The following RAPGEF6 variants were observed in gnomAD, a reference collection of about 807,000 sequenced individuals.
The protein encoded by RAPGEF6 is Rap guanine nucleotide exchange factor 6, also known as PDZ domain containing guanine nucleotide exchange factor (GEF) 2.
A neutral mutation model predicts 171.4 loss-of-function variants in RAPGEF6; 56 were observed. The observed-to-expected ratio is 0.33, with a 90% CI of 0.26 to 0.41. The LOEUF is 0.41. Among genes scored for constraint, RAPGEF6 ranks in the 10% least tolerant of loss-of-function variants. The probability of loss-of-function intolerance (pLI) is 1.00; values close to 1 mark genes in which losing one functional copy is unlikely to be tolerated. For synonymous variants in RAPGEF6, 692 were observed against 650.1 expected, an observed-to-expected ratio of 1.06 and a Z score of -0.98; for missense variants, 1,674 against 1,921.4, an observed-to-expected ratio of 0.87 and a Z score of 2.41.
At chr5:131,532,959 T>C (rs2149927499) in intron 6 of RAPGEF6, 1 of 152,760 alleles carries the variant, frequency 6.5e-6, no homozygotes, top group East Asian at 1.9e-4. Context: ...CTACTGTCCT[T>C]GCCTGTTTCA....
At chr5:131,475,485 T>C (rs980171318) in intron 16 of RAPGEF6, among the ~76,000 whole-genome samples, 2 of 152,074 alleles carry the variant, frequency 1.3e-5, no homozygotes, top group Admixed American at 6.5e-5. Context: ...CAAACAAAAA[T>C]ACGTTGACAA....
intron 3 of RAPGEF6, among the ~76,000 whole-genome samples, chr5:131,595,171 T>G (rs1234180324): frequency 6.6e-6 from 1 of 152,120 alleles, no homozygotes; most frequent in Non-Finnish European, 1.5e-5. Flanking sequence ...AGGGACCTGG[T>G]GGGAGGCGAC....
intron 5 of RAPGEF6, among the ~76,000 whole-genome samples, chr5:131,553,699 T>C (rs575169138): frequency 1.3e-5 from 2 of 152,096 alleles, no homozygotes; most frequent in Admixed American, 6.5e-5. Flanking sequence ...TCAACACAAC[T>C]GAGTTAAGAT....
rs140527782 is a variant in RAPGEF6, at chr5:131,585,184, C to T, written c.281+7199G>A. Among the ~76,000 whole-genome samples the T allele has an allele frequency of 9.2e-3, 1,402 of 151,588 alleles. 21 individuals are homozygous for T. The highest frequency in any genetic ancestry group is 0.033 in the African/African-American group (1,344 of 41,282). The stretch of plus-strand genomic sequence containing the variant: ...GACATCTAGGTATCCCTATGGAAAA[C>T]GACGCAACATTATACCATACCCAAA... On this transcript the variant is annotated intron_variant, in intron 4 of 27. Transcript: ENST00000509018.
At chr5:131,484,273 C>CTGGAGTG (rs1159760602) in intron 15 of RAPGEF6, among the ~76,000 whole-genome samples, 1 of 115,538 alleles carries the variant, frequency 8.7e-6, no homozygotes, top group African/African-American at 3.5e-5. Flanking sequence ...TGTTGCCAGG[C>CTGGAGTG]TGGAGTGCAG....
intron 3 of RAPGEF6, among the ~76,000 whole-genome samples, chr5:131,595,179 G>A (rs1190320666): frequency 2.0e-5 from 3 of 152,266 alleles, no homozygotes; most frequent in Non-Finnish European, 2.9e-5. Context: ...GGTGGGAGGC[G>A]ACTGGATCAT....
chr5:131,581,400 T>C (rs535231757), intron 4 of RAPGEF6, among the ~76,000 whole-genome samples: 1 of 152,036 alleles, frequency 6.6e-6, no homozygotes, highest in East Asian at 1.9e-4. Context: ...TCTTCCTCCT[T>C]CTCTTCTTAC....
intron 18 of RAPGEF6, among the ~76,000 whole-genome samples, chr5:131,463,302 A>G (rs1178151348): frequency 6.6e-6 from 1 of 152,200 alleles, no homozygotes; most frequent in East Asian, 1.9e-4. Flanking sequence ...AGAGTGGTTG[A>G]GTGTGGTAGC....
intron 4 of RAPGEF6, among the ~76,000 whole-genome samples, chr5:131,580,148 T>A (rs1366251892): frequency 1.3e-5 from 2 of 152,068 alleles, no homozygotes; most frequent in African/African-American, 4.8e-5. Flanking sequence ...GGCTCGGGCA[T>A]GGCGGGCTGC....
chr5:131,509,613 A>T (rs865828119), intron 8 of RAPGEF6, among the ~76,000 whole-genome samples: 21 of 152,218 alleles, frequency 1.4e-4, no homozygotes, highest in African/African-American at 5.1e-4. Context: ...ATAAGGTTTT[A>T]AAAAATCTGC....
At chr5:131,560,723 T>C (rs1761544550) in intron 5 of RAPGEF6, among the ~76,000 whole-genome samples, 1 of 152,226 alleles carries the variant, frequency 6.6e-6, no homozygotes, top group African/African-American at 2.4e-5. Context: ...ATGCAGGCAG[T>C]ACTCTGCGAT....
chr5:131,604,581 T>C (rs370173798), intron 2 of RAPGEF6, 42 bp downstream of exon 2: 63 of 1,588,748 alleles, frequency 4.0e-5, no homozygotes, highest in Non-Finnish European at 5.0e-5. Flanking sequence ...AATGAATGAA[T>C]GGCTATACAG....
chr5:131,452,137 G>T (rs564347210), intron 21 of RAPGEF6, among the ~76,000 whole-genome samples: 1 of 151,478 alleles, frequency 6.6e-6, no homozygotes, highest in Non-Finnish European at 1.5e-5. Context: ...GGAGAATGGC[G>T]TGAACCCGGG....
chr5:131,495,264 C>T (rs1406361811), intron 13 of RAPGEF6, among the ~76,000 whole-genome samples: 1 of 150,728 alleles, frequency 6.6e-6, no homozygotes, highest in Non-Finnish European at 1.5e-5. Flanking sequence ...CACTGCACTC[C>T]AGCCTGGGCG....
intron 6 of RAPGEF6, among the ~76,000 whole-genome samples, chr5:131,544,093 G>T (rs374321105): frequency 6.6e-6 from 1 of 151,970 alleles, no homozygotes; most frequent in Admixed American, 6.6e-5. Context: ...CATTTTCAAA[G>T]AACACAAATT....
At chr5:131,505,564 G>A in intron 9 of RAPGEF6, 42 bp from the exon 10 acceptor site, 1 of 1,536,454 alleles carries the variant, frequency 6.5e-7, no homozygotes, top group Non-Finnish European at 8.9e-7. Flanking sequence ...TTTTAAAAAA[G>A]GTAGTTACAT....
intron 3 of RAPGEF6, among the ~76,000 whole-genome samples, chr5:131,599,195 T>G (rs1398061709): frequency 6.6e-6 from 1 of 151,994 alleles, no homozygotes; most frequent in Non-Finnish European, 1.5e-5. Flanking sequence ...GGCATGGTGG[T>G]CCACGCCTGT....
At position 131,488,030 on chromosome 5, in the gene RAPGEF6, T is replaced by C. The variant is rs1756038190; in HGVS notation, c.1840+1516A>G. 2.6e-5 allele frequency among the ~76,000 whole-genome samples: 4 copies of C among 152,234 alleles called. No homozygotes were observed. The South Asian group carries it at 8.3e-4, about 32-fold the overall frequency. ...GCATTTTCTAAATCTAAACATGAGG[T>C]ATTTAGCTTTCTCCTTGGTGTTTTG... is the stretch of plus-strand genomic sequence containing the variant. On this transcript the variant is annotated intron_variant, in intron 15 of 27. Transcript: ENST00000509018.
Position 131,427,292 on chromosome 5 carries a change from C to CCT in RAPGEF6, c.4781-2_4781-1insAG, listed in dbSNP as rs761113404. The CCT allele has an allele frequency of 1.2e-6, 2 of 1,604,086 alleles. No homozygotes were observed. Among genetic ancestry groups the CCT allele is most frequent in the Admixed American group, 3.3e-5 (2 of 59,940 alleles). On this transcript the variant is annotated splice_acceptor_variant, in intron 27 of 27. Transcript: ENST00000509018. LOFTEE classifies it high-confidence loss of function. ...TAGACTGCTGAAACTTGTTCATTTT[C>CCT]TGAAAATAAAAAATATATAATTAAC...
Sources: allele counts gnomAD v4.1 joint callset (sites outside exome capture counted in the v4.1 genomes callset), GRCh38; gene constraint gnomAD v4.1.1; transcripts MANE v1.5; gene names NCBI Gene and HGNC (gene_info 2026-07-23, HGNC 2026-07-21).